The following VPS45 variants were observed in gnomAD, a reference collection of about 807,000 sequenced individuals.
VPS45 encodes the protein vacuolar protein sorting-associated protein 45.
Under a neutral mutation model 75.9 loss-of-function variants are expected in VPS45, and 35 were observed. That is an observed-to-expected ratio of 0.46 (90% CI 0.35 to 0.61). VPS45 has a LOEUF of 0.61. Among genes scored for constraint, VPS45 ranks in the 20% least tolerant of loss-of-function variants. VPS45 has a pLI of 0.00. For synonymous variants in VPS45, 220 were observed against 238.2 expected (o/e 0.92, Z 0.70); for missense variants, 559 against 685.9 (o/e 0.81, Z 2.07).
intron 7 of VPS45, 43 bp from the exon 8 acceptor site, chr1:150,081,299 A>G (rs1655688817): frequency 2.6e-6 from 4 of 1,557,358 alleles, no homozygotes; most frequent in African/African-American, 2.8e-5. Context: ...TACTATTTCC[A>G]TATTCTGTCA....
chr1:150,105,520 A>G (rs764080854), intron 13 of VPS45, among the ~76,000 whole-genome samples: 2 of 152,076 alleles, frequency 1.3e-5, no homozygotes, highest in African/African-American at 4.8e-5. Context: ...CCCATTTACA[A>G]GAGACACACA....
intron 12 of VPS45, chr1:150,092,678 G>A (rs1553802209): frequency 8.6e-6 from 2 of 232,562 alleles, no homozygotes; most frequent in Non-Finnish European, 1.6e-5. Context: ...CAACAGTTCT[G>A]TTAGTCACAG....
intron 13 of VPS45, among the ~76,000 whole-genome samples, chr1:150,106,696 C>G (rs1553805844): frequency 6.6e-6 from 1 of 152,140 alleles, no homozygotes; most frequent in Non-Finnish European, 1.5e-5. Context: ...ACTTCTTTTC[C>G]ACAGGCTATA....
chr1:150,092,091 G>A lies in VPS45; in HGVS notation c.1259G>A (p.Arg420Gln), dbSNP rs899367000. 6.8e-6 allele frequency: 11 copies of A among 1,612,778 alleles called. 1 individual carries two copies. The highest frequency in any genetic ancestry group is 3.3e-5 in the South Asian group (3 of 90,746). Residue 420 changes from arginine to glutamine, a missense_variant, in exon 11 of 15, where the codon CGA (arginine) becomes CAA (glutamine). Arg to Gln is a conservative substitution (Grantham distance 43, BLOSUM62 1). Transcript: ENST00000644510. ...AATAAAGGTGTTTCTGAGAAGTATCGAAAGGTAACCAGTTTCCATATTAGC... is the reference window on the plus strand; with the variant it reads ...AATAAAGGTGTTTCTGAGAAGTATCAAAAGGTAACCAGTTTCCATATTAGC... The part of the protein sequence containing the change: ...LRNKGVSEKY[R>Q]KLVSAVVEYG...
chr1:150,076,552 TTC>T (rs1553798125), intron 4 of VPS45: 5 of 480,246 alleles, frequency 1.0e-5, no homozygotes, highest in Non-Finnish European at 1.8e-5. Context: ...TTAAATTATA[TTC>T]TCTCTCATGA....
At chr1:150,117,191 A>ACT (rs1553808540) in intron 14 of VPS45, among the ~76,000 whole-genome samples, 1 of 144,718 alleles carries the variant, frequency 6.9e-6, no homozygotes, top group African/African-American at 2.6e-5. Context: ...ACAGAGGGCG[A>ACT]CTCCGTCTCA....
At chr1:150,109,066 C>T (rs1382525004) in intron 13 of VPS45, 2 of 152,316 alleles carry the variant, frequency 1.3e-5, no homozygotes, top group African/African-American at 2.4e-5. Context: ...GATGGAGTCT[C>T]TGTTGCCCAG....
chr1:150,067,786 C>G lies in VPS45; in HGVS notation c.-72C>G. 6.7e-7 allele frequency: 1 copy of G among 1,502,684 alleles called. No individual in the cohort carries two copies. The highest frequency in any genetic ancestry group is 9.2e-7 in the Non-Finnish European group (1 of 1,085,370). 93.1% of individuals were successfully genotyped at this position (1,502,684 alleles called of 1,614,324 possible). ...TGGGAGGAAGCAGCTGAGACCCGGC[C>G]AACAGACTGGGGGTTAATTTAGCCA... On this transcript the variant is annotated 5_prime_UTR_variant, in exon 1 of 15. Transcript: ENST00000644510.
At chr1:150,139,256 C>A (rs1406010530) in intron 14 of VPS45, among the ~76,000 whole-genome samples, 1 of 152,150 alleles carries the variant, frequency 6.6e-6, no homozygotes, top group Non-Finnish European at 1.5e-5. Flanking sequence ...CTCCTTATAG[C>A]CCGCTCTACC....
At chr1:150,080,210 A>G (rs1553799015) in intron 7 of VPS45, among the ~76,000 whole-genome samples, 4 of 147,472 alleles carry the variant, frequency 2.7e-5, no homozygotes, top group African/African-American at 1.0e-4. Context: ...CAATGGTGTG[A>G]TCTTGGCTCA....
At chr1:150,123,574 G>T (rs1344299793) in intron 14 of VPS45, among the ~76,000 whole-genome samples, 1 of 152,188 alleles carries the variant, frequency 6.6e-6, no homozygotes, top group Non-Finnish European at 1.5e-5. Flanking sequence ...ATCCTACCTT[G>T]CAAATAAACG....
intron 14 of VPS45, among the ~76,000 whole-genome samples, chr1:150,116,382 G>T (rs587759660): frequency 6.6e-6 from 1 of 152,184 alleles, no homozygotes; most frequent in Non-Finnish European, 1.5e-5. Flanking sequence ...AGTAGATACT[G>T]TATGCTAGGC....
chr1:150,093,282 T>A (rs3850838), intron 12 of VPS45, among the ~76,000 whole-genome samples: 40,001 of 152,066 alleles, frequency 0.26, 7,973 homozygotes, highest in African/African-American at 0.56. Context: ...AAGACATGAT[T>A]AAGGATTTAA....
chr1:150,088,570 C>G (rs1490161693), intron 10 of VPS45, among the ~76,000 whole-genome samples: 1 of 150,114 alleles, frequency 6.7e-6, no homozygotes, highest in Non-Finnish European at 1.5e-5. Flanking sequence ...ACTTCTGCCT[C>G]CCAGGCTCAA....
intron 12 of VPS45, 99 bp downstream of exon 12, chr1:150,092,508 T>C: frequency 1.0e-6 from 1 of 1,004,554 alleles, no homozygotes; most frequent in Non-Finnish European, 1.4e-6. Context: ...TGAAGATTGC[T>C]GCTAATTTAG....
Position 150,072,202 on chromosome 1 carries a change from C to T in VPS45, c.265C>T (p.Pro89Ser), listed in dbSNP as rs1553797213. 1 of 1,606,802 alleles carries T rather than the reference C, an allele frequency of 6.2e-7. No homozygotes were observed. The highest frequency in any genetic ancestry group is 8.5e-7 in the Non-Finnish European group (1 of 1,175,952). The change falls in exon 3 of 15, where the codon CCC (proline) becomes TCC (serine). Residue 89 changes from proline to serine, a missense_variant. Transcript: ENST00000644510. Reference sequence around the variant, plus strand: ...TTATATTATTCAGGAGCTCCGAAGACCCAAATACACTATATATTTCATTTG... The same window carrying T: ...TTATATTATTCAGGAGCTCCGAAGATCCAAATACACTATATATTTCATTTG... ...VDYIIQELRRPKYTIYFIYFS... is the reference protein window; with the variant it reads ...VDYIIQELRRSKYTIYFIYFS...
chr1:150,137,992 T>C (rs1354086282), intron 14 of VPS45, among the ~76,000 whole-genome samples: 2 of 150,790 alleles, frequency 1.3e-5, no homozygotes, highest in African/African-American at 2.4e-5. Flanking sequence ...TTAACCCCCT[T>C]ACTCTTTCTA....
chr1:150,072,309 C>T, intron 3 of VPS45, 83 bp downstream of exon 3: 1 of 943,756 alleles, frequency 1.1e-6, no homozygotes, highest in South Asian at 1.6e-5. Context: ...TCATCAATAA[C>T]TTCATTGAAT....
chr1:150,128,550 T>C (rs1182521401), intron 14 of VPS45, among the ~76,000 whole-genome samples: 1 of 152,154 alleles, frequency 6.6e-6, no homozygotes, highest in Non-Finnish European at 1.5e-5. Context: ...GATTTCCACC[T>C]AAACAAGTAA....
Sources: allele counts gnomAD v4.1 joint callset (sites outside exome capture counted in the v4.1 genomes callset), GRCh38; gene constraint gnomAD v4.1.1; transcripts MANE v1.5; gene names NCBI Gene and HGNC (gene_info 2026-07-23, HGNC 2026-07-21).